Variants in KANK4 observed in about 807,000 individuals in gnomAD.
KANK4 encodes the protein KN motif and ankyrin repeat domains 4, also known as KN motif and ankyrin repeat domain-containing protein 4.
In KANK4, 50 loss-of-function variants were observed where a neutral mutation model predicts 80.8. The observed-to-expected ratio is 0.62, with a 90% CI of 0.49 to 0.78. KANK4 has a LOEUF of 0.78. KANK4 is among the 30% of genes least tolerant of loss of function. KANK4 has a pLI of 0.00. For synonymous variants in KANK4, 465 were observed against 506.9 expected (o/e 0.92, Z 1.11); for missense variants, 1,196 against 1,240.1 (o/e 0.96, Z 0.53).
chr1:62,308,521 T>C (rs914309633), intron 1 of KANK4, among the ~76,000 whole-genome samples: 16 of 152,112 alleles, frequency 1.1e-4, no homozygotes, highest in African/African-American at 3.9e-4. Flanking sequence ...TCTCTCCTGG[T>C]CCAGGTTGGA....
chr1:62,252,367 T>C (rs1265690394), intron 8 of KANK4, among the ~76,000 whole-genome samples: 1 of 152,246 alleles, frequency 6.6e-6, no homozygotes, highest in African/African-American at 2.4e-5. Context: ...GATTTGTGTG[T>C]CTGGAATAAT....
At chr1:62,250,451 T>G (rs1671586652) in intron 8 of KANK4, among the ~76,000 whole-genome samples, 2 of 152,236 alleles carry the variant, frequency 1.3e-5, no homozygotes, top group Admixed American at 1.3e-4. Flanking sequence ...TGCATTGCCC[T>G]GGAGATCCAG....
chr1:62,299,481 G>A (rs143241564), intron 1 of KANK4, among the ~76,000 whole-genome samples: 1 of 152,122 alleles, frequency 6.6e-6, no homozygotes, highest in Non-Finnish European at 1.5e-5. Flanking sequence ...AGGACCGGGG[G>A]TGCAGAGGTA....
chr1:62,283,500 C>T (rs1672495475), intron 1 of KANK4, among the ~76,000 whole-genome samples: 2 of 152,256 alleles, frequency 1.3e-5, no homozygotes, highest in East Asian at 1.9e-4. Flanking sequence ...GATTTGTAAG[C>T]CTTTGTCCAC....
intron 1 of KANK4, among the ~76,000 whole-genome samples, chr1:62,284,382 T>C (rs144717251): frequency 0.016 from 2,373 of 152,316 alleles, 35 homozygotes; most frequent in Middle Eastern, 0.031. Context: ...TTTCTTTTGA[T>C]CTCAGCTCAC....
chr1:62,271,585 G>C lies in KANK4; in HGVS notation c.1905C>G (p.Ile635Met). The change falls in exon 4 of 10, where the codon ATC becomes ATG. Residue 635 changes from isoleucine to methionine, a missense_variant. Ile to Met is a conservative substitution (Grantham distance 10). Around this residue, in one of 3 missense-constraint regions of KANK4, gnomAD observed 1,154 missense variants for 1,179.6 expected, o/e 0.98. Transcript: ENST00000371153. ...PASSSSPPVEISPSTSLKSIM... is the reference protein window; with the variant it reads ...PASSSSPPVEMSPSTSLKSIM... ...TGGATTTAAGGCTGGTCGATGGGGAGATCTCTAGGCAGACACAACATCACA... is the reference window on the plus strand; with the variant it reads ...TGGATTTAAGGCTGGTCGATGGGGACATCTCTAGGCAGACACAACATCACA... 5 of 1,608,008 alleles carry C rather than the reference G, an allele frequency of 3.1e-6. No homozygotes were observed. Among genetic ancestry groups the C allele is most frequent in the Non-Finnish European group, 3.4e-6 (4 of 1,174,476 alleles).
chr1:62,315,829 G>C (rs1571061556), intron 1 of KANK4, among the ~76,000 whole-genome samples: 2 of 152,304 alleles, frequency 1.3e-5, no homozygotes, highest in South Asian at 4.1e-4. Context: ...CCGAAGTGCA[G>C]GTTGAACTAG....
intron 1 of KANK4, 101 bp from the exon 2 acceptor site, chr1:62,281,735 C>T: frequency 2.6e-6 from 2 of 778,522 alleles, no homozygotes; most frequent in South Asian, 3.0e-5. Flanking sequence ...CCCTGCCTTT[C>T]TCCCAGGGTG....
At chr1:62,296,453 G>A (rs1644365272) in intron 1 of KANK4, among the ~76,000 whole-genome samples, 1 of 152,228 alleles carries the variant, frequency 6.6e-6, no homozygotes, top group African/African-American at 2.4e-5. Context: ...TAATAATGGA[G>A]GGATAACAGC....
chr1:62,318,143 G>A (rs1046259302), intron 1 of KANK4, among the ~76,000 whole-genome samples: 2 of 152,144 alleles, frequency 1.3e-5, no homozygotes, highest in African/African-American at 4.8e-5. Flanking sequence ...TGCCTCAGCC[G>A]GGTCACTGGC....
intron 2 of KANK4, among the ~76,000 whole-genome samples, chr1:62,280,093 G>A (rs1359168284): frequency 1.3e-5 from 2 of 152,142 alleles, no homozygotes; most frequent in African/African-American, 4.8e-5. Flanking sequence ...GAGTGTGAAA[G>A]AGAAATTCAA....
chr1:62,278,400 T>TC (rs778724879), intron 2 of KANK4, among the ~76,000 whole-genome samples: 33 of 44,722 alleles, frequency 7.4e-4, no homozygotes, highest in African/African-American at 1.4e-3. Flanking sequence ...TTTCTTTCTT[T>TC]TTTTTTTTTG....
At chr1:62,292,715 G>C (rs1238093199) in intron 1 of KANK4, among the ~76,000 whole-genome samples, 1 of 151,890 alleles carries the variant, frequency 6.6e-6, no homozygotes, top group African/African-American at 2.4e-5. Flanking sequence ...GATATATCTG[G>C]ACATGTTTTG....
rs765493896 is a variant in KANK4 at position 62,273,457 on chromosome 1, TC to T, written c.1646del (p.Gly549GlufsTer16). ...SSNLPGKEHP[G>X]RPPSSPTDAT... ...CATCCGTTGGCGAGCTTGGTGGCCT[TC>T]CCGGGTGCTCCTTCCCTGGGAGATT... is the stretch of plus-strand genomic sequence containing the variant. On this transcript the variant is annotated frameshift_variant, in exon 3 of 10. Coordinates refer to ENST00000371153, the MANE Select transcript of KANK4 (RefSeq NM_181712.5). LOFTEE classifies it high-confidence loss of function. 7.4e-6 allele frequency: 12 copies of T among 1,613,950 alleles called. No homozygotes were observed. The highest frequency in any genetic ancestry group is 9.3e-6 in the Non-Finnish European group (11 of 1,179,922).
At chr1:62,264,393 A>G (rs1340045379) in intron 6 of KANK4, among the ~76,000 whole-genome samples, 1 of 152,178 alleles carries the variant, frequency 6.6e-6, no homozygotes, top group Non-Finnish European at 1.5e-5. Context: ...CCTGGGCAAC[A>G]AGAGCGAAAC....
chr1:62,299,007 G>A (rs1335379907), intron 1 of KANK4, among the ~76,000 whole-genome samples: 1 of 151,994 alleles, frequency 6.6e-6, no homozygotes, highest in East Asian at 1.9e-4. Flanking sequence ...TAGTCACAAA[G>A]ATAGTAAAAG....
At chr1:62,318,522 C>G (rs1644561073) in intron 1 of KANK4, among the ~76,000 whole-genome samples, 1 of 152,234 alleles carries the variant, frequency 6.6e-6, no homozygotes, top group African/African-American at 2.4e-5. Flanking sequence ...GCCCCATTGC[C>G]TCCGCCCAAG....
At chr1:62,259,479 G>C (rs2149129506) in intron 7 of KANK4, among the ~76,000 whole-genome samples, 1 of 152,136 alleles carries the variant, frequency 6.6e-6, no homozygotes, top group African/African-American at 2.4e-5. Context: ...GTTTCACCAT[G>C]TTGCTCAGAC....
At chr1:62,250,661 T>C (rs1265606588) in intron 8 of KANK4, among the ~76,000 whole-genome samples, 1 of 152,046 alleles carries the variant, frequency 6.6e-6, no homozygotes, top group Non-Finnish European at 1.5e-5. Flanking sequence ...AAAGAAGGGG[T>C]TGATTTTGAT....
Sources: gnomAD v4.1 joint callset for allele counts (sites outside exome capture counted in the v4.1 genomes callset) on GRCh38, gnomAD v4.1.1 for gene constraint, gnomAD v4.1.1 regional missense constraint, MANE v1.5 for transcripts, NCBI Gene and HGNC (gene_info 2026-07-23, HGNC 2026-07-21) for gene names.